Variants in WDR70 observed in about 807,000 individuals in gnomAD.
WDR70 encodes the protein WD repeat domain 70, also known as WD repeat-containing protein 70.
Under a neutral mutation model 88.6 loss-of-function variants are expected in WDR70, and 53 were observed. That is an observed-to-expected ratio of 0.60 (90% confidence interval 0.48 to 0.75). WDR70 has a LOEUF of 0.75. WDR70 is among the 30% of genes least tolerant of loss of function. WDR70 has a pLI of 0.00. For missense variants in WDR70, 610 were observed against 823.2 expected (o/e 0.74, Z 3.17); for synonymous variants, 280 against 270.0 (o/e 1.04, Z -0.36).
intron 7 of WDR70, chr5:37,479,364 T>C: frequency 3.2e-5 from 1 of 31,652 alleles, no homozygotes; most frequent in Non-Finnish European, 1.2e-4. Flanking sequence ...TTGGTGGTGG[T>C]TGTTTTTTTT....
chr5:37,433,668 T>G (rs995681158), intron 5 of WDR70, among the ~76,000 whole-genome samples: 6 of 152,232 alleles, frequency 3.9e-5, no homozygotes, highest in African/African-American at 1.4e-4. Context: ...AAGATTTATA[T>G]TATTCTCTCC....
chr5:37,576,764 CT>C (rs34306141), intron 9 of WDR70, among the ~76,000 whole-genome samples: 81,239 of 147,112 alleles, frequency 0.55, 22,291 homozygotes, highest in Admixed American at 0.6. Flanking sequence ...ATTTGGTAGT[CT>C]TTTTTTTTTT....
At chr5:37,499,044 T>C (rs58752053) in intron 8 of WDR70, among the ~76,000 whole-genome samples, 24,664 of 152,138 alleles carry the variant, frequency 0.16, 2,120 homozygotes, top group South Asian at 0.27. Flanking sequence ...AGGTGTTTAG[T>C]GGGATCCCAT....
chr5:37,602,594 C>T (rs1743918767), intron 9 of WDR70, among the ~76,000 whole-genome samples: 1 of 151,224 alleles, frequency 6.6e-6, no homozygotes, highest in Non-Finnish European at 1.5e-5. Flanking sequence ...CCACTACACT[C>T]CAGCTTGGGT....
intron 8 of WDR70, among the ~76,000 whole-genome samples, chr5:37,494,354 G>A (rs1035337777): frequency 1.3e-5 from 2 of 152,174 alleles, no homozygotes; most frequent in African/African-American, 4.8e-5. Context: ...AGTATTACGG[G>A]CTACAAAATG....
chr5:37,507,295 A>G (rs569502172), intron 8 of WDR70, among the ~76,000 whole-genome samples: 1 of 152,326 alleles, frequency 6.6e-6, no homozygotes, highest in East Asian at 1.9e-4. Flanking sequence ...TACAGAGAAT[A>G]TGTAATCAAG....
chr5:37,416,730 C>T (rs1749769151), intron 5 of WDR70, among the ~76,000 whole-genome samples: 2 of 152,034 alleles, frequency 1.3e-5, no homozygotes, highest in South Asian at 4.1e-4. Context: ...CAGGCATGTG[C>T]CACCATGCCT....
chr5:37,709,419 ATAT>A (rs1182458919), intron 13 of WDR70, among the ~76,000 whole-genome samples: 1 of 152,222 alleles, frequency 6.6e-6, no homozygotes, highest in Admixed American at 6.5e-5. Flanking sequence ...TTTAATAAAA[ATAT>A]TATATTTGCC....
intron 4 of WDR70, among the ~76,000 whole-genome samples, chr5:37,393,851 T>A (rs1405859499): frequency 6.6e-6 from 1 of 152,102 alleles, no homozygotes; most frequent in African/African-American, 2.4e-5. Context: ...TGGCTAATTT[T>A]TGTATTTTTT....
chr5:37,649,733 C>CTTCTTTTTTTTTTTTTTTTTTTTT (rs1384336784), intron 10 of WDR70, among the ~76,000 whole-genome samples: 1 of 68,738 alleles, frequency 1.5e-5, no homozygotes, highest in African/African-American at 6.4e-5. Flanking sequence ...GTTATTACTT[C>CTTCTTTTTTTTTTTTTTTTTTTTT]TTTTTTTTTT....
In WDR70 at chr5:37,686,131, C is replaced by CCA. The variant is rs1250881157; in HGVS notation, c.1093-11523_1093-11522insAC. ...CCAGCTGGGCGACAAAGTGAGACCA[C>CCA]CCCCCGCCCCAGCTCTACAAAATAA... is the stretch of plus-strand genomic sequence containing the variant. On this transcript the variant is annotated intron_variant, in intron 10 of 17. Transcript: ENST00000265107. Among the ~76,000 whole-genome samples the CCA allele has an allele frequency of 6.6e-5, 10 of 150,984 alleles. No individual in the cohort carries two copies. The East Asian group carries it at 8.0e-4, about 12-fold the overall frequency.
At chr5:37,751,581 T>C (rs771629588) in intron 17 of WDR70, among the ~76,000 whole-genome samples, 8 of 152,230 alleles carry the variant, frequency 5.3e-5, no homozygotes, top group African/African-American at 2.4e-5. Flanking sequence ...AAAGGAATTA[T>C]AGTTGTCATT....
intron 9 of WDR70, among the ~76,000 whole-genome samples, chr5:37,584,240 G>A (rs942525990): frequency 1.3e-5 from 2 of 152,196 alleles, no homozygotes; most frequent in African/African-American, 2.4e-5. Flanking sequence ...TCATGATTAT[G>A]AGTCTTACAG....
chr5:37,696,691 C>G (rs1223121597), intron 10 of WDR70, among the ~76,000 whole-genome samples: 1 of 151,916 alleles, frequency 6.6e-6, no homozygotes, highest in Non-Finnish European at 1.5e-5. Flanking sequence ...GCACACACAC[C>G]TATTATAGAG....
At position 37,381,682 on chromosome 5, in the gene WDR70, C is replaced by T. The variant is rs1461660797; in HGVS notation, c.172C>T (p.Leu58=). The T allele has an allele frequency of 2.5e-6, 4 of 1,610,020 alleles. No individual in the cohort carries two copies. Among genetic ancestry groups the T allele is most frequent in the Admixed American group, 1.7e-5 (1 of 59,882 alleles). ...RTAVERSRKT[L]EAREKEEEMN... ...AGCTGTGGAAAGAAGTCGCAAAACA[C>T]TGGGTAAGAAGCTCAGATATTTGTT... The change falls in exon 3 of 18, where the codon CTG becomes TTG. Residue 58 remains leucine, a synonymous_variant. Coordinates refer to ENST00000265107, the MANE Select transcript of WDR70 (RefSeq NM_018034.4).
chr5:37,733,346 G>A (rs1042998208), intron 17 of WDR70, among the ~76,000 whole-genome samples: 4 of 152,058 alleles, frequency 2.6e-5, no homozygotes, highest in African/African-American at 9.7e-5. Context: ...TTTTCCAAAT[G>A]AGAGAACATT....
intron 9 of WDR70, among the ~76,000 whole-genome samples, chr5:37,552,664 C>T (rs1052989403): frequency 3.3e-5 from 5 of 152,062 alleles, no homozygotes; most frequent in Admixed American, 3.3e-4. Context: ...TTTAGAGTGC[C>T]CTTTCTCCAT....
intron 5 of WDR70, among the ~76,000 whole-genome samples, chr5:37,428,972 G>T (rs1408596340): frequency 6.6e-6 from 1 of 152,106 alleles, no homozygotes; most frequent in South Asian, 2.1e-4. Flanking sequence ...TTTAATTGTG[G>T]CTTTAGTTTG....
intron 8 of WDR70, among the ~76,000 whole-genome samples, chr5:37,481,688 C>A (rs906703612): frequency 2.6e-5 from 4 of 152,176 alleles, no homozygotes; most frequent in African/African-American, 9.7e-5. Context: ...ACATTTGCCC[C>A]ATTGTCTTGG....
Sources: allele counts gnomAD v4.1 joint callset (sites outside exome capture counted in the v4.1 genomes callset), GRCh38; gene constraint gnomAD v4.1.1; transcripts MANE v1.5; gene names NCBI Gene and HGNC (gene_info 2026-07-23, HGNC 2026-07-21).